The following POU2AF2 variants were observed in gnomAD, a reference collection of about 807,000 sequenced individuals.
POU2AF2 encodes the protein POU class 2 homeobox associating factor 2.
the POU2AF2 span, among the ~76,000 whole-genome samples, chr11:111,249,834 C>T: frequency 9.2e-5 from 14 of 152,240 alleles, 1 homozygote; most frequent in Middle Eastern, 6.8e-3. Context: ...GCACCCCTAC[C>T]GCTTGAAGTC....
the POU2AF2 span, among the ~76,000 whole-genome samples, chr11:111,285,469 A>G: frequency 6.6e-6 from 1 of 152,208 alleles, no homozygotes; most frequent in Non-Finnish European, 1.5e-5. Flanking sequence ...ATTCTAGAGT[A>G]GGAAGGGAGG....
At chr11:111,276,453 A>AAAAAAAAAAAATATATATAT in the POU2AF2 span, among the ~76,000 whole-genome samples, 4 of 37,674 alleles carry the variant, frequency 1.1e-4, no homozygotes, top group Admixed American at 3.5e-4. Flanking sequence ...AAAAAAAAAA[A>AAAAAAAAAAAATATATATAT]ATATATATAT....
chr11:111,246,068 CTAAT>C, the POU2AF2 span, among the ~76,000 whole-genome samples: 1 of 152,110 alleles, frequency 6.6e-6, no homozygotes, highest in African/African-American at 2.4e-5. Context: ...CATTTAATTA[CTAAT>C]TGTTTGATTT....
the POU2AF2 span, chr11:111,286,228 T>A: frequency 6.2e-6 from 4 of 648,154 alleles, no homozygotes; most frequent in African/African-American, 7.6e-5. Flanking sequence ...CCCACTGAAA[T>A]AAAACAGAAT....
the POU2AF2 span, among the ~76,000 whole-genome samples, chr11:111,268,153 G>A: frequency 1.3e-5 from 2 of 152,172 alleles, no homozygotes; most frequent in African/African-American, 4.8e-5. Context: ...ACAACCATCA[G>A]CATATTGTCA....
chr11:111,252,072 C>G, the POU2AF2 span, among the ~76,000 whole-genome samples: 1 of 152,198 alleles, frequency 6.6e-6, no homozygotes, highest in South Asian at 2.1e-4. Context: ...TTAAAAAGCA[C>G]TTTAAAAAGC....
At chr11:111,270,714 A>G in the POU2AF2 span, among the ~76,000 whole-genome samples, 1 of 152,194 alleles carries the variant, frequency 6.6e-6, no homozygotes, top group Non-Finnish European at 1.5e-5. Context: ...AAGGTTGGTG[A>G]TAACAAAGAA....
At chr11:111,262,363 C>G in the POU2AF2 span, among the ~76,000 whole-genome samples, 12,712 of 152,162 alleles carry the variant, frequency 0.084, 740 homozygotes, top group Middle Eastern at 0.18. Flanking sequence ...TATCTTAGTC[C>G]CTAAAACCGC....
the POU2AF2 span, among the ~76,000 whole-genome samples, chr11:111,262,612 A>G: frequency 6.6e-6 from 1 of 152,164 alleles, no homozygotes; most frequent in African/African-American, 2.4e-5. Context: ...TGGGTAACAC[A>G]TCTCTCCTCC....
the POU2AF2 span, among the ~76,000 whole-genome samples, chr11:111,252,658 T>C: frequency 1.3e-5 from 2 of 151,960 alleles, no homozygotes; most frequent in Admixed American, 6.6e-5. Flanking sequence ...CCTTAATTTC[T>C]TTCTGCCTTT....
chr11:111,279,148 T>C, the POU2AF2 span, among the ~76,000 whole-genome samples: 1 of 152,200 alleles, frequency 6.6e-6, no homozygotes, highest in African/African-American at 2.4e-5. Flanking sequence ...TTTAAGACTC[T>C]ACACGCCTAG....
the POU2AF2 span, among the ~76,000 whole-genome samples, chr11:111,274,302 T>C: frequency 1.3e-5 from 2 of 152,272 alleles, no homozygotes; most frequent in South Asian, 2.1e-4. Flanking sequence ...TTTGTGTTTA[T>C]CCATCAAAAT....
chr11:111,254,906 G>A, the POU2AF2 span, among the ~76,000 whole-genome samples: 3 of 152,196 alleles, frequency 2.0e-5, no homozygotes, highest in Non-Finnish European at 4.4e-5. Flanking sequence ...AATGGAAGTT[G>A]TCTAACCTAC....
At chr11:111,273,319 C>G in the POU2AF2 span, among the ~76,000 whole-genome samples, 1 of 152,048 alleles carries the variant, frequency 6.6e-6, no homozygotes, top group Non-Finnish European at 1.5e-5. Context: ...CCTTTAATTC[C>G]AAAGTTGGAG....
the POU2AF2 span, among the ~76,000 whole-genome samples, chr11:111,280,057 A>AAAAAAAAATATATATATATATAT: frequency 2.6e-5 from 2 of 76,470 alleles, no homozygotes; most frequent in African/African-American, 1.0e-4. Flanking sequence ...AAAAAAAAAA[A>AAAAAAAAATATATATATATATAT]ATATATATAT....
At chr11:111,259,773 C>T in the POU2AF2 span, among the ~76,000 whole-genome samples, 1 of 152,230 alleles carries the variant, frequency 6.6e-6, no homozygotes, top group African/African-American at 2.4e-5. Flanking sequence ...TAGCTATTCT[C>T]AGGCATCAAG....
At chr11:111,285,530 C>G in the POU2AF2 span, 1 of 1,015,638 alleles carries the variant, frequency 9.8e-7, no homozygotes, top group Admixed American at 3.2e-5. Context: ...AGCCTGAGAG[C>G]CAGGCTTCAG....
At chr11:111,277,250 A>G in the POU2AF2 span, among the ~76,000 whole-genome samples, 14 of 152,386 alleles carry the variant, frequency 9.2e-5, no homozygotes, top group Admixed American at 4.6e-4. Context: ...ACAAAATCAC[A>G]TAGGAGACAA....
At chr11:111,260,335 T>C in the POU2AF2 span, among the ~76,000 whole-genome samples, 1 of 151,092 alleles carries the variant, frequency 6.6e-6, no homozygotes, top group African/African-American at 2.4e-5. Context: ...TGTAATAGGT[T>C]AAAAAAAAAT....
Sources: allele counts gnomAD v4.1 joint callset (sites outside exome capture counted in the v4.1 genomes callset), GRCh38; gene constraint gnomAD v4.1.1; transcripts MANE v1.5; gene names NCBI Gene and HGNC (gene_info 2026-07-23, HGNC 2026-07-21).